The following ATP2B1 variants were observed in gnomAD, a reference collection of about 807,000 sequenced individuals.
ATP2B1 encodes the protein plasma membrane calcium-transporting ATPase 1.
In ATP2B1, 14 loss-of-function variants were observed where a neutral mutation model predicts 124.2. The observed-to-expected ratio is 0.11, with a 90% CI of 0.07 to 0.18. The LOEUF is 0.18. Ranked by LOEUF, ATP2B1 falls within the 10% of genes least tolerant of loss-of-function variation. The pLI, the probability that ATP2B1 is intolerant of heterozygous loss-of-function variation, is 1.00. For synonymous variants in ATP2B1, 449 were observed against 492.4 expected, an observed-to-expected ratio of 0.91 and a Z score of 1.17; for missense variants, 763 against 1,466.1, an observed-to-expected ratio of 0.52 and a Z score of 7.83.
chr12:89,647,867 TAA>T (rs1456406913), intron 2 of ATP2B1, among the ~76,000 whole-genome samples: 2 of 152,078 alleles, frequency 1.3e-5, no homozygotes, highest in Admixed American at 1.3e-4. Flanking sequence ...CAGATCTGGT[TAA>T]GAGTCTGGGA....
Position 89,611,333 on chromosome 12 carries a change from T to C in ATP2B1, c.2107A>G (p.Thr703Ala). Residue 703 changes from threonine (T) to alanine (A), a missense_variant, in exon 13 of 21, where the codon ACT becomes GCT. Thr to Ala is a moderately conservative substitution (Grantham distance 58, BLOSUM62 0). Transcript: ENST00000428670. ...TTATCACCAGTGACCATCCGCACAG[T>C]AATTCCAGCCCTCTGACACTTTTTA... ...AIKKCQRAGI[T>A]VRMVTGDNIN... 1 of 1,571,112 alleles carries C rather than the reference T, an allele frequency of 6.4e-7. No homozygotes were observed. The highest frequency in any genetic ancestry group is 8.6e-7 in the Non-Finnish European group (1 of 1,161,038).
At chr12:89,654,681 T>C (rs1490515776) in intron 2 of ATP2B1, among the ~76,000 whole-genome samples, 5 of 152,174 alleles carry the variant, frequency 3.3e-5, no homozygotes, top group African/African-American at 1.2e-4. Flanking sequence ...TTAAAGTTAT[T>C]TAATTTTGGA....
intron 12 of ATP2B1, among the ~76,000 whole-genome samples, chr12:89,613,377 T>C (rs1878390732): frequency 6.6e-6 from 1 of 152,212 alleles, no homozygotes; most frequent in Non-Finnish European, 1.5e-5. Context: ...ATAAAAGTTA[T>C]TTCCCTCTAC....
chr12:89,608,636 T>C (rs778215009), intron 15 of ATP2B1, among the ~76,000 whole-genome samples: 2 of 152,228 alleles, frequency 1.3e-5, no homozygotes, highest in African/African-American at 2.4e-5. Context: ...TTAAAGCCCA[T>C]TGTATCTGTC....
rs1879754191 is a variant in ATP2B1, at chr12:89,620,331, A to G, written c.1588-91T>C. The G allele has an allele frequency of 2.8e-6, 4 of 1,436,528 alleles. No homozygotes were observed. The South Asian group carries it at 5.4e-5, about 20-fold the overall frequency. 89.0% of individuals were successfully genotyped at this position (1,436,528 alleles called of 1,614,324 possible). ...AAACAGACTGCGATATTCTAAAATA[A>G]AATTACAAAGCAATTGTCTAATATC... On this transcript the variant is annotated intron_variant, in intron 10 of 20. Coordinates refer to ENST00000428670, the MANE Select transcript of ATP2B1 (RefSeq NM_001366521.1).
chr12:89,599,098 C>T lies in ATP2B1; in HGVS notation c.3351+19G>A, dbSNP rs752261513. On this transcript the variant is annotated intron_variant, in intron 20 of 20. Transcript: ENST00000428670. ...CCCTGGCTCCCATCATCTCTCCTAC[C>T]TCTCTACCAGGCCCATACCTGTGTT... 1.9e-6 allele frequency: 3 copies of T among 1,609,784 alleles called. No individual in the cohort carries two copies. The highest frequency in any genetic ancestry group is 2.5e-6 in the Non-Finnish European group (3 of 1,177,296).
chr12:89,666,743 A>G (rs1464058941), intron 1 of ATP2B1, among the ~76,000 whole-genome samples: 1 of 152,192 alleles, frequency 6.6e-6, no homozygotes, highest in Non-Finnish European at 1.5e-5. Context: ...TATATGATCC[A>G]CGGACATATC....
At chr12:89,618,460 C>T (rs902957502) in intron 11 of ATP2B1, among the ~76,000 whole-genome samples, 2 of 152,180 alleles carry the variant, frequency 1.3e-5, no homozygotes, top group Non-Finnish European at 2.9e-5. Context: ...AATGCCTGAT[C>T]AGTTTTGACT....
At chr12:89,611,149 T>G (rs1420054223) in intron 13 of ATP2B1, 44 bp downstream of exon 13, 1 of 1,501,348 alleles carries the variant, frequency 6.7e-7, no homozygotes. Flanking sequence ...TCCTAATATA[T>G]TAAACATCTG....
At chr12:89,636,050 A>G (rs1024019669) in intron 3 of ATP2B1, among the ~76,000 whole-genome samples, 1 of 152,166 alleles carries the variant, frequency 6.6e-6, no homozygotes, top group Non-Finnish European at 1.5e-5. Flanking sequence ...TTAAATGAAA[A>G]AAGAGGGATA....
At chr12:89,633,639 G>A (rs1592805321) in intron 5 of ATP2B1, among the ~76,000 whole-genome samples, 1 of 151,746 alleles carries the variant, frequency 6.6e-6, no homozygotes, top group Admixed American at 6.6e-5. Context: ...GCTTCTTTTG[G>A]CATGCATTTA....
At chr12:89,700,255 T>G (rs1182088022) in intron 1 of ATP2B1, among the ~76,000 whole-genome samples, 2 of 152,130 alleles carry the variant, frequency 1.3e-5, no homozygotes, top group Non-Finnish European at 2.9e-5. Context: ...GCAGACAGTT[T>G]GATGCTAGAG....
At chr12:89,687,799 G>A (rs1006094209) in intron 1 of ATP2B1, among the ~76,000 whole-genome samples, 2 of 151,876 alleles carry the variant, frequency 1.3e-5, no homozygotes, top group Non-Finnish European at 2.9e-5. Context: ...CTTTTTAAAC[G>A]TTTAAATCAA....
chr12:89,693,206 C>T (rs1327181458), intron 1 of ATP2B1, among the ~76,000 whole-genome samples: 1 of 152,122 alleles, frequency 6.6e-6, no homozygotes, highest in African/African-American at 2.4e-5. Context: ...TAAAGTGAGT[C>T]TTGAATGAAG....
intron 6 of ATP2B1, among the ~76,000 whole-genome samples, chr12:89,628,401 C>CAAAAA (rs567077317): frequency 2.5e-5 from 2 of 79,616 alleles, no homozygotes; most frequent in African/African-American, 5.1e-5. Flanking sequence ...GACTCCGTCT[C>CAAAAA]AAAAAAAAAA....
chr12:89,656,709 G>A lies in ATP2B1; in HGVS notation c.-221-602C>T, dbSNP rs538896936. Among the ~76,000 whole-genome samples, 49 of 152,082 alleles carry A rather than the reference G, an allele frequency of 3.2e-4. No homozygotes were observed. In the South Asian group the frequency reaches 7.9e-3, roughly 25 times the overall value. On this transcript the variant is annotated intron_variant, in intron 1 of 20. Coordinates refer to ENST00000428670, the MANE Select transcript of ATP2B1 (RefSeq NM_001366521.1). The stretch of plus-strand genomic sequence containing the variant: ...TCTGTGACTCTAAAATCTTTTGGCC[G>A]GCAAAAACTATACTCTATATGATTT...
At chr12:89,698,020 GC>G (rs1329706950) in intron 1 of ATP2B1, among the ~76,000 whole-genome samples, 1 of 152,040 alleles carries the variant, frequency 6.6e-6, no homozygotes, top group Middle Eastern at 3.2e-3. Context: ...ACAGGCCCAT[GC>G]CACTACGCCC....
chr12:89,645,866 A>G (rs1352374882), intron 2 of ATP2B1, among the ~76,000 whole-genome samples: 1 of 152,192 alleles, frequency 6.6e-6, no homozygotes, highest in Non-Finnish European at 1.5e-5. Context: ...TTTTAGAAAA[A>G]TCACATAAAT....
At position 89,627,695 on chromosome 12, in the gene ATP2B1, A is replaced by G. The variant is rs746928872; in HGVS notation, c.950T>C (p.Ile317Thr). Residue 317 changes from isoleucine (I) to threonine (T), a missense_variant, in exon 7 of 21, where the codon ATT becomes ACT. Transcript: ENST00000428670. ...EKKNKKQDGA[I>T]ENRNKAKAQD... ...AAATTTACCTTTGTTGCGATTCTCA[A>G]TAGCTCCATCTTGTTTCTTATCTGT... The G allele has an allele frequency of 6.2e-7, 1 of 1,614,004 alleles. No homozygotes were observed. The highest frequency in any genetic ancestry group is 2.2e-5 in the East Asian group (1 of 44,844).
Sources: allele counts gnomAD v4.1 joint callset (sites outside exome capture counted in the v4.1 genomes callset), GRCh38; gene constraint gnomAD v4.1.1; transcripts MANE v1.5; gene names NCBI Gene and HGNC (gene_info 2026-07-23, HGNC 2026-07-21).